Variants in ARFIP1 observed in about 807,000 individuals in gnomAD.
The protein encoded by ARFIP1 is ARF interacting protein 1, also known as arfaptin-1.
A neutral mutation model predicts 42.5 loss-of-function variants in ARFIP1; 24 were observed. That is an observed-to-expected ratio of 0.57 (90% confidence interval 0.41 to 0.80). ARFIP1 has a LOEUF of 0.80. Among genes scored for constraint, ARFIP1 ranks in the 30% least tolerant of loss-of-function variants. ARFIP1 has a pLI of 0.00. For missense variants in ARFIP1, 354 were observed against 434.0 expected (o/e 0.82, Z 1.64); for synonymous variants, 141 against 153.7 (o/e 0.92, Z 0.61).
chr4:152,814,171 C>T (rs1208827928), intron 1 of ARFIP1, among the ~76,000 whole-genome samples: 3 of 151,006 alleles, frequency 2.0e-5, no homozygotes, highest in Non-Finnish European at 4.4e-5. Flanking sequence ...CTCACTGCAG[C>T]CTCGACCTCC....
intron 3 of ARFIP1, among the ~76,000 whole-genome samples, chr4:152,869,452 CTTTT>C (rs993026695): frequency 1.3e-5 from 2 of 149,230 alleles, no homozygotes; most frequent in African/African-American, 2.5e-5. Flanking sequence ...TTCTTTCTTT[CTTTT>C]TTTTTTTAAT....
chr4:152,911,872 G>A lies in ARFIP1; in HGVS notation c.*1653G>A, dbSNP rs1307067508. The A allele has an allele frequency of 6.6e-6, 1 of 152,424 alleles. No individual in the cohort carries two copies. The highest frequency in any genetic ancestry group is 1.5e-5 in the Non-Finnish European group (1 of 67,992). The allele number at this position is 152,424 out of a possible 1,614,324, so 9.4% of individuals were successfully genotyped here. On this transcript the variant is annotated 3_prime_UTR_variant, in exon 9 of 9. Transcript: ENST00000353617. Reference sequence around the variant, plus strand: ...ACATTCCCCAGAATGTGCCTCTAGTGTGAATTTTGTATTCTTATTAAACGT... The same window carrying A: ...ACATTCCCCAGAATGTGCCTCTAGTATGAATTTTGTATTCTTATTAAACGT...
At chr4:152,886,816 T>C (rs1273769207) in intron 7 of ARFIP1, among the ~76,000 whole-genome samples, 3 of 151,958 alleles carry the variant, frequency 2.0e-5, no homozygotes, top group Admixed American at 1.3e-4. Flanking sequence ...CACTTGAGAA[T>C]TGTTGAATGA....
chr4:152,787,505 C>T (rs1730878589), intron 1 of ARFIP1, among the ~76,000 whole-genome samples: 1 of 152,192 alleles, frequency 6.6e-6, no homozygotes, highest in Non-Finnish European at 1.5e-5. Flanking sequence ...CAAGCATGCC[C>T]GCAAAGGGCA....
chr4:152,850,014 TA>T (rs1732855768), intron 2 of ARFIP1, among the ~76,000 whole-genome samples: 1 of 152,230 alleles, frequency 6.6e-6, no homozygotes, highest in Non-Finnish European at 1.5e-5. Context: ...GTTGTCCAAC[TA>T]CAGATTCCCA....
chr4:152,841,104 C>T (rs1382001173), intron 2 of ARFIP1, among the ~76,000 whole-genome samples: 13 of 151,748 alleles, frequency 8.6e-5, no homozygotes, highest in South Asian at 2.1e-4. Context: ...GGCGTGATCT[C>T]GGCTCACTGC....
chr4:152,895,762 A>G (rs1737269862), intron 8 of ARFIP1, among the ~76,000 whole-genome samples: 1 of 150,886 alleles, frequency 6.6e-6, no homozygotes, highest in African/African-American at 2.4e-5. Flanking sequence ...GAGTTTCACT[A>G]TGTTGCCCAG....
At chr4:152,799,338 T>G (rs77900343) in intron 1 of ARFIP1, among the ~76,000 whole-genome samples, 2,164 of 152,304 alleles carry the variant, frequency 0.014, 52 homozygotes, top group African/African-American at 0.049. Context: ...GCGACTGATT[T>G]AGAGGAATTG....
rs371824517 is a variant in ARFIP1, at chr4:152,872,452, G to C, written c.299G>C (p.Gly100Ala). 6.3e-7 allele frequency: 1 copy of C among 1,592,800 alleles called. No individual in the cohort carries two copies. Among genetic ancestry groups the C allele is most frequent in the Non-Finnish European group, 8.6e-7 (1 of 1,164,264 alleles). The part of the protein sequence containing the change: ...QQGSDLIVPA[G>A]GQRTQTKSGP... ...GTTTTTATCTTTTGTTATCTTGCAG[G>C]TGGCCAGAGAACACAGACAAAAAGT... The change falls in exon 5 of 9, where the codon GGT becomes GCT. Residue 100 changes from glycine (G) to alanine (A), a missense_variant and splice_region_variant. By Grantham distance (60) the Gly-to-Ala change is moderately conservative. Coordinates refer to ENST00000353617, the MANE Select transcript of ARFIP1 (RefSeq NM_001025595.3).
At chr4:152,892,536 C>G (rs928487951) in intron 8 of ARFIP1, among the ~76,000 whole-genome samples, 2 of 152,076 alleles carry the variant, frequency 1.3e-5, no homozygotes, top group Non-Finnish European at 2.9e-5. Context: ...TCTTTGTTCC[C>G]TCTTAGAACT....
intron 2 of ARFIP1, among the ~76,000 whole-genome samples, chr4:152,835,834 C>T (rs1289908640): frequency 6.6e-6 from 1 of 152,160 alleles, no homozygotes; most frequent in East Asian, 1.9e-4. Context: ...AACATCTGCT[C>T]CTGGTGAGGG....
At chr4:152,904,362 T>A (rs1227624476) in intron 8 of ARFIP1, among the ~76,000 whole-genome samples, 6 of 151,884 alleles carry the variant, frequency 4.0e-5, no homozygotes, top group Admixed American at 6.6e-5. Flanking sequence ...CGGCTCATTT[T>A]TCGTATTTTT....
In ARFIP1 at chr4:152,850,045, A is replaced by G. The variant is rs112470183; in HGVS notation, c.94-13561A>G. 4.4e-3 allele frequency among the ~76,000 whole-genome samples: 673 copies of G among 152,308 alleles called. 4 individuals are homozygous for G. The highest frequency in any genetic ancestry group is 5.0e-3 in the Non-Finnish European group (337 of 68,022). On this transcript the variant is annotated intron_variant, in intron 2 of 8. Coordinates refer to ENST00000353617, the MANE Select transcript of ARFIP1 (RefSeq NM_001025595.3). ...TTCCCAAACCTGATCCAGATTACCAATTTTACGCATTTCTGCAAGTATACG... is the reference window on the plus strand; with the variant it reads ...TTCCCAAACCTGATCCAGATTACCAGTTTTACGCATTTCTGCAAGTATACG...
chr4:152,888,274 T>C lies in ARFIP1; in HGVS notation c.933T>C (p.Val311=). The C allele has an allele frequency of 6.2e-7, 1 of 1,607,706 alleles. No homozygotes were observed. ...AATATGATAAAATGCGCAATGATGT[T>C]TCTGTCAAATTGAAATTTCTAGAAG... The part of the protein sequence containing the change: ...KEKYDKMRND[V]SVKLKFLEEN... Residue 311 remains valine (V), a synonymous_variant, in exon 8 of 9, where the codon GTT becomes GTC. Transcript: ENST00000353617.
chr4:152,898,555 A>G (rs557072891), intron 8 of ARFIP1, among the ~76,000 whole-genome samples: 2 of 152,312 alleles, frequency 1.3e-5, no homozygotes, highest in South Asian at 2.1e-4. Flanking sequence ...AAAGTACTAT[A>G]TAAGGTATTA....
Position 152,880,957 on chromosome 4 carries a change from T to G in ARFIP1, c.412-6T>G, listed in dbSNP as rs770818342. On this transcript the variant is annotated splice_region_variant and splice_polypyrimidine_tract_variant and intron_variant, in intron 5 of 8. Transcript: ENST00000353617. Reference sequence around the variant, plus strand: ...TTTCTAAACAAAATGCATCTTCCACTTTTAGTGTACTCGACAGATTATCTC... The same window carrying G: ...TTTCTAAACAAAATGCATCTTCCACGTTTAGTGTACTCGACAGATTATCTC... 2.5e-6 allele frequency: 4 copies of G among 1,605,562 alleles called. No individual in the cohort carries two copies. The highest frequency in any genetic ancestry group is 3.4e-6 in the Non-Finnish European group (4 of 1,174,878).
intron 1 of ARFIP1, among the ~76,000 whole-genome samples, chr4:152,816,580 C>T (rs761162374): frequency 1.3e-5 from 2 of 152,250 alleles, no homozygotes; most frequent in African/African-American, 4.8e-5. Flanking sequence ...CACATATACA[C>T]ATACATGACC....
At position 152,794,868 on chromosome 4, in the gene ARFIP1, G is replaced by A. The variant is rs963580508; in HGVS notation, c.-10+14642G>A. On this transcript the variant is annotated intron_variant, in intron 1 of 8. Coordinates refer to ENST00000353617, the MANE Select transcript of ARFIP1 (RefSeq NM_001025595.3). ...TATCATTTATTTTGTTGCTGTATTCGTTCCAGCATTGGCTGTTATGGGCTC... is the reference window on the plus strand; with the variant it reads ...TATCATTTATTTTGTTGCTGTATTCATTCCAGCATTGGCTGTTATGGGCTC... 3.3e-5 allele frequency among the ~76,000 whole-genome samples: 5 copies of A among 152,034 alleles called. No individual in the cohort carries two copies. The East Asian group carries it at 9.6e-4, about 29-fold the overall frequency.
chr4:152,794,534 T>C (rs1320518092), intron 1 of ARFIP1, among the ~76,000 whole-genome samples: 1 of 152,156 alleles, frequency 6.6e-6, no homozygotes, highest in African/African-American at 2.4e-5. Flanking sequence ...AGTGTGTTGT[T>C]TTTACACTGT....
Sources: gnomAD v4.1 joint callset for allele counts (sites outside exome capture counted in the v4.1 genomes callset) on GRCh38, gnomAD v4.1.1 for gene constraint, MANE v1.5 for transcripts, NCBI Gene and HGNC (gene_info 2026-07-23, HGNC 2026-07-21) for gene names.